The following NTRK3 variants were observed in gnomAD, a reference collection of about 807,000 sequenced individuals.
NTRK3 encodes the protein neurotrophic receptor tyrosine kinase 3, also known as NT-3 growth factor receptor.
NTRK3 carries 24 observed loss-of-function variants against 91.7 expected under a neutral mutation model. The observed-to-expected ratio is 0.26, with a 90% CI of 0.19 to 0.37. NTRK3 has a LOEUF of 0.37. Ranked by LOEUF, NTRK3 falls within the 10% of genes least tolerant of loss-of-function variation. The pLI, the probability that NTRK3 is intolerant of heterozygous loss-of-function variation, is 1.00. For synonymous variants in NTRK3, 483 were observed against 404.0 expected (o/e 1.20, Z -2.34); for missense variants, 880 against 1,068.9 (o/e 0.82, Z 2.46).
chr15:87,961,231 C>A (rs1266834446), intron 14 of NTRK3, among the ~76,000 whole-genome samples: 1 of 152,176 alleles, frequency 6.6e-6, no homozygotes, highest in Non-Finnish European at 1.5e-5. Flanking sequence ...CTGTGCACAG[C>A]CATCTCCCTC....
At chr15:88,188,830 TG>T (rs2151655235) in intron 3 of NTRK3, among the ~76,000 whole-genome samples, 1 of 152,360 alleles carries the variant, frequency 6.6e-6, no homozygotes, top group Admixed American at 6.5e-5. Context: ...TCACCATCTC[TG>T]GCTGGAACCC....
intron 14 of NTRK3, among the ~76,000 whole-genome samples, chr15:88,002,742 G>A (rs1222116201): frequency 6.8e-6 from 1 of 146,882 alleles, no homozygotes; most frequent in Non-Finnish European, 1.5e-5. Context: ...AGATTCTTAT[G>A]AATCAAAATA....
chr15:88,202,921 G>T (rs553814795), intron 3 of NTRK3, among the ~76,000 whole-genome samples: 2 of 152,332 alleles, frequency 1.3e-5, no homozygotes, highest in East Asian at 3.9e-4. Flanking sequence ...GCAGGGGCTG[G>T]ATGAGACACT....
chr15:87,876,884 G>C lies in NTRK3; in HGVS notation c.*51C>G, dbSNP rs373023769. The C allele has an allele frequency of 1.9e-6, 3 of 1,593,170 alleles. No individual in the cohort carries two copies. In the African/African-American group the frequency reaches 4.0e-5, roughly 21 times the overall value. Reference sequence around the variant, plus strand: ...GTTGTGAGGTGGAAGGGAGATGTGAGGCAGGGAGAGAGGAGGCAACAGAGT... The same window carrying C: ...GTTGTGAGGTGGAAGGGAGATGTGACGCAGGGAGAGAGGAGGCAACAGAGT... On this transcript the variant is annotated 3_prime_UTR_variant, in exon 19 of 19. Transcript: ENST00000394480.
At position 88,233,798 on chromosome 15, in the gene NTRK3, T is replaced by C. The variant is rs189079623; in HGVS notation, c.248+22108A>G. Among the ~76,000 whole-genome samples, 1,163 of 148,244 alleles carry C rather than the reference T, an allele frequency of 7.8e-3. 17 individuals are homozygous for C. Among genetic ancestry groups the C allele is most frequent in the African/African-American group, 0.028 (1,077 of 38,164 alleles). Reference sequence around the variant, plus strand: ...CTCCCCTGACATCCAGTGCTCCCCCTCCCTGCCTTGTCCAAGAGAATCTCT... The same window carrying C: ...CTCCCCTGACATCCAGTGCTCCCCCCCCCTGCCTTGTCCAAGAGAATCTCT... On this transcript the variant is annotated intron_variant, in intron 3 of 18. Coordinates refer to ENST00000394480, the Ensembl canonical transcript of NTRK3. The surrounding 1 kb of genome is among the most constrained non-coding windows in gnomAD (Gnocchi z 4.2).
intron 3 of NTRK3, among the ~76,000 whole-genome samples, chr15:88,232,099 T>A (rs1179317401): frequency 2.0e-5 from 3 of 152,058 alleles, no homozygotes; most frequent in Admixed American, 6.6e-5. Flanking sequence ...TACCTCCAGG[T>A]GATGGGGGAT....
intron 3 of NTRK3, among the ~76,000 whole-genome samples, chr15:88,238,770 G>T (rs921235200): frequency 6.6e-6 from 1 of 152,198 alleles, no homozygotes; most frequent in Non-Finnish European, 1.5e-5. Context: ...TCACTATGCC[G>T]TGATTCAGCT....
rs569832223 is a variant in NTRK3 at position 87,957,287 on chromosome 15, T to A, written c.1586-16534A>T. Among the ~76,000 whole-genome samples the A allele has an allele frequency of 3.3e-3, 504 of 152,306 alleles. 8 individuals are homozygous for A. Among genetic ancestry groups the A allele is most frequent in the Non-Finnish European group, 2.6e-3 (180 of 68,016 alleles). ...GGTAAGCATCAAGTCTCAGCTATCATCACCATGGCAATTGTCTTCATATAA... is the reference window on the plus strand; with the variant it reads ...GGTAAGCATCAAGTCTCAGCTATCAACACCATGGCAATTGTCTTCATATAA... On this transcript the variant is annotated intron_variant, in intron 14 of 18. Coordinates refer to ENST00000394480, the Ensembl canonical transcript of NTRK3.
At chr15:87,976,517 C>T (rs61482550) in intron 14 of NTRK3, among the ~76,000 whole-genome samples, 2,960 of 152,280 alleles carry the variant, frequency 0.019, 90 homozygotes, top group African/African-American at 0.067. Context: ...TTTCCCGGCC[C>T]GCATTCTCCA....
At chr15:88,195,526 G>C (rs1439414924) in intron 3 of NTRK3, among the ~76,000 whole-genome samples, 1 of 152,240 alleles carries the variant, frequency 6.6e-6, no homozygotes, top group Non-Finnish European at 1.5e-5. Flanking sequence ...CACTTGAAGA[G>C]TCTAAAGCAT....
chr15:88,011,263 A>G (rs753193948), intron 14 of NTRK3, among the ~76,000 whole-genome samples: 9 of 152,182 alleles, frequency 5.9e-5, no homozygotes, highest in Non-Finnish European at 1.2e-4. Context: ...CTTGCTGTCT[A>G]GAATTCCTAT....
intron 5 of NTRK3, among the ~76,000 whole-genome samples, chr15:88,147,981 AAAG>A (rs1474736392): frequency 6.6e-6 from 1 of 152,204 alleles, no homozygotes; most frequent in African/African-American, 2.4e-5. Context: ...CTTCTGGATA[AAAG>A]AAGAAACACG....
chr15:88,252,083 C>T (rs1567721921), intron 3 of NTRK3, among the ~76,000 whole-genome samples: 1 of 152,128 alleles, frequency 6.6e-6, no homozygotes, highest in Non-Finnish European at 1.5e-5. Flanking sequence ...CAGGTTTGAT[C>T]CTGGAAGTAC....
At chr15:88,002,496 A>T (rs2076182889) in intron 14 of NTRK3, among the ~76,000 whole-genome samples, 1 of 152,098 alleles carries the variant, frequency 6.6e-6, no homozygotes, top group South Asian at 2.1e-4. Flanking sequence ...AATATATCTA[A>T]CTAACACCAA....
chr15:87,902,903 C>A (rs1269514239), intron 17 of NTRK3, among the ~76,000 whole-genome samples: 2 of 152,132 alleles, frequency 1.3e-5, no homozygotes, highest in Non-Finnish European at 2.9e-5. Flanking sequence ...CTCACCCCGA[C>A]TCCCCCTTGC....
intron 14 of NTRK3, among the ~76,000 whole-genome samples, chr15:87,972,385 G>A (rs1013340849): frequency 1.3e-5 from 2 of 152,196 alleles, no homozygotes; most frequent in Non-Finnish European, 1.5e-5. Context: ...ACAAAAGTCA[G>A]GGACTGCCAT....
exon 19 of NTRK3, chr15:87,868,312 C>A (rs371094518): frequency 6.2e-5 from 14 of 227,156 alleles, no homozygotes; most frequent in African/African-American, 2.9e-4. Context: ...AGATTGCCTC[C>A]GTATGATTTT....
chr15:88,156,452 C>A (rs2043912431), intron 5 of NTRK3, among the ~76,000 whole-genome samples: 1 of 151,972 alleles, frequency 6.6e-6, no homozygotes, highest in Non-Finnish European at 1.5e-5. Context: ...TCACTACCCA[C>A]CTCCTTCCCC....
intron 13 of NTRK3, among the ~76,000 whole-genome samples, chr15:88,124,157 A>T (rs1025549362): frequency 5.9e-5 from 9 of 152,344 alleles, no homozygotes; most frequent in Admixed American, 2.6e-4. Context: ...AATTCTAAAC[A>T]AGGTGAGTCT....
Sources: allele counts gnomAD v4.1 joint callset (sites outside exome capture counted in the v4.1 genomes callset), GRCh38; gene constraint gnomAD v4.1.1; non-coding constraint Gnocchi (gnomAD v3.1); transcripts MANE v1.5; gene names NCBI Gene and HGNC (gene_info 2026-07-23, HGNC 2026-07-21).